ERC2: variants seen among roughly 807,000 people sequenced by gnomAD.
The protein encoded by ERC2 is ELKS/RAB6-interacting/CAST family member 2.
In ERC2, 42 loss-of-function variants were observed where a neutral mutation model predicts 114.8. The observed-to-expected ratio is 0.37, with a 90% CI of 0.29 to 0.47. ERC2 has a LOEUF of 0.47. ERC2 is among the 20% of genes least tolerant of loss of function. ERC2 has a pLI of 0.99. For synonymous variants in ERC2, 454 were observed against 425.5 expected (o/e 1.07, Z -0.82); for missense variants, 939 against 1,150.7 (o/e 0.82, Z 2.66).
chr3:55,523,331 G>A (rs1030606846), intron 17 of ERC2, among the ~76,000 whole-genome samples: 3 of 152,150 alleles, frequency 2.0e-5, no homozygotes, highest in African/African-American at 4.8e-5. Flanking sequence ...TTCCTGATCC[G>A]GGGTGCCAAT....
chr3:55,802,301 C>T (rs983747958), intron 14 of ERC2, among the ~76,000 whole-genome samples: 2 of 152,112 alleles, frequency 1.3e-5, no homozygotes, highest in African/African-American at 2.4e-5. Context: ...TGCTTGCTCA[C>T]GCATTATGTA....
chr3:56,044,815 A>T (rs1406146399), intron 7 of ERC2, among the ~76,000 whole-genome samples: 1 of 152,158 alleles, frequency 6.6e-6, no homozygotes, highest in Non-Finnish European at 1.5e-5. Flanking sequence ...TCGCTCCCCA[A>T]ATCAAATACA....
At chr3:55,596,736 A>G (rs2058157141) in intron 17 of ERC2, among the ~76,000 whole-genome samples, 1 of 152,230 alleles carries the variant, frequency 6.6e-6, no homozygotes, top group African/African-American at 2.4e-5. Flanking sequence ...GCATTAGTAC[A>G]GATGAAGAAG....
At chr3:55,891,437 A>ATTTTTT (rs869073962) in intron 13 of ERC2, among the ~76,000 whole-genome samples, 18 of 86,960 alleles carry the variant, frequency 2.1e-4, no homozygotes, top group East Asian at 5.0e-4. Flanking sequence ...GTCTGGTTCT[A>ATTTTTT]TTTTTTTTTT....
chr3:55,823,799 A>G (rs2060220877), intron 14 of ERC2, among the ~76,000 whole-genome samples: 1 of 152,192 alleles, frequency 6.6e-6, no homozygotes, highest in Non-Finnish European at 1.5e-5. Context: ...AGTGAAAATG[A>G]CGTGCCCCAC....
chr3:55,883,871 G>C (rs1395489904), intron 14 of ERC2, among the ~76,000 whole-genome samples: 1 of 150,428 alleles, frequency 6.6e-6, no homozygotes, highest in African/African-American at 2.5e-5. Context: ...CTGGGCAACA[G>C]AGTGAGGCTC....
intron 17 of ERC2, among the ~76,000 whole-genome samples, chr3:55,580,428 C>A (rs1423124488): frequency 6.6e-6 from 1 of 152,132 alleles, no homozygotes; most frequent in East Asian, 1.9e-4. Context: ...AGGATGGGAC[C>A]AAGAGAGACC....
In ERC2 at chr3:56,228,996, A is replaced by C. The variant is rs528104334; in HGVS notation, c.1075-55476T>G. Among the ~76,000 whole-genome samples, 5 of 152,174 alleles carry C rather than the reference A, an allele frequency of 3.3e-5. No homozygotes were observed. In the East Asian group the frequency reaches 9.7e-4, roughly 29 times the overall value. Reference sequence around the variant, plus strand: ...AGTCCATACCAGTCCTATTTTTCCCACAAGCCCCAATCCTAATATTAATGC... The same window carrying C: ...AGTCCATACCAGTCCTATTTTTCCCCCAAGCCCCAATCCTAATATTAATGC... On this transcript the variant is annotated intron_variant, in intron 3 of 17. Transcript: ENST00000288221.
rs533369920 is a variant in ERC2, at chr3:56,299,828, T to C, written c.658-3393A>G. 1.4e-3 allele frequency among the ~76,000 whole-genome samples: 210 copies of C among 152,324 alleles called. 3 individuals are homozygous for C. Among genetic ancestry groups the C allele is most frequent in the African/African-American group, 4.6e-3 (191 of 41,566 alleles). On this transcript the variant is annotated intron_variant, in intron 2 of 17. Transcript: ENST00000288221. ...TTTATCTGGAGTCAAACATCATGAATTGGGATGATCACAAAGGAAATGATC... is the reference window on the plus strand; with the variant it reads ...TTTATCTGGAGTCAAACATCATGAACTGGGATGATCACAAAGGAAATGATC...
At chr3:55,671,356 A>G (rs1277918517) in intron 17 of ERC2, among the ~76,000 whole-genome samples, 1 of 152,212 alleles carries the variant, frequency 6.6e-6, no homozygotes, top group African/African-American at 2.4e-5. Flanking sequence ...TTCTTGTTAT[A>G]TAAACATCTA....
At chr3:55,775,536 CAAAA>C in intron 14 of ERC2, among the ~76,000 whole-genome samples, 2 of 40,910 alleles carry the variant, frequency 4.9e-5, no homozygotes, top group South Asian at 1.6e-3. Flanking sequence ...GACCCTGTCT[CAAAA>C]TAAATAAATA....
At chr3:55,586,083 C>T (rs562328544) in intron 17 of ERC2, among the ~76,000 whole-genome samples, 1 of 152,266 alleles carries the variant, frequency 6.6e-6, no homozygotes, top group South Asian at 2.1e-4. Context: ...TCCTGGTTCA[C>T]ACAGAGGCCC....
chr3:55,602,948 G>A (rs2058472763), intron 17 of ERC2, among the ~76,000 whole-genome samples: 1 of 152,182 alleles, frequency 6.6e-6, no homozygotes, highest in African/African-American at 2.4e-5. Context: ...GGTTCTCAGA[G>A]GGTGGGACAG....
At chr3:56,255,802 C>T (rs933772963) in intron 3 of ERC2, among the ~76,000 whole-genome samples, 4 of 152,210 alleles carry the variant, frequency 2.6e-5, no homozygotes, top group African/African-American at 9.6e-5. Context: ...TAGGCATTCT[C>T]TACTCTATGG....
chr3:55,573,123 A>T (rs1370645980), intron 17 of ERC2, among the ~76,000 whole-genome samples: 1 of 152,190 alleles, frequency 6.6e-6, no homozygotes, highest in Non-Finnish European at 1.5e-5. Context: ...CTCAAAGTAA[A>T]TATTTCTGGT....
At chr3:55,717,452 A>T (rs1371921661) in intron 15 of ERC2, among the ~76,000 whole-genome samples, 2 of 152,016 alleles carry the variant, frequency 1.3e-5, no homozygotes, top group African/African-American at 4.8e-5. Flanking sequence ...TTCTCCTTCA[A>T]GTTTTCTCCT....
chr3:55,867,601 T>C (rs1458816685), intron 14 of ERC2, among the ~76,000 whole-genome samples: 2 of 152,254 alleles, frequency 1.3e-5, no homozygotes, highest in Non-Finnish European at 2.9e-5. Context: ...ATGTGAAATG[T>C]ATGCATGAGA....
intron 17 of ERC2, among the ~76,000 whole-genome samples, chr3:55,576,891 C>T (rs990318846): frequency 1.3e-5 from 2 of 152,218 alleles, no homozygotes; most frequent in African/African-American, 2.4e-5. Flanking sequence ...CTCTCAGGGC[C>T]CTGTGGCCTT....
At chr3:55,599,801 G>A (rs553722882) in intron 17 of ERC2, among the ~76,000 whole-genome samples, 2 of 152,270 alleles carry the variant, frequency 1.3e-5, no homozygotes, top group African/African-American at 4.8e-5. Flanking sequence ...TTCACCTCAA[G>A]GTTGATCTTT....
Sources: gnomAD v4.1 joint callset for allele counts (sites outside exome capture counted in the v4.1 genomes callset) on GRCh38, gnomAD v4.1.1 for gene constraint, MANE v1.5 for transcripts, NCBI Gene and HGNC (gene_info 2026-07-23, HGNC 2026-07-21) for gene names.